Variants in ADAMTS17 observed in about 807,000 individuals in gnomAD.
ADAMTS17 encodes A disintegrin and metalloproteinase with thrombospondin motifs 17.
Under a neutral mutation model 141.5 loss-of-function variants are expected in ADAMTS17, and 113 were observed. The observed-to-expected ratio is 0.80, with a 90% confidence interval of 0.69 to 0.93. The LOEUF is 0.93. Among genes scored for constraint, ADAMTS17 ranks in the 40% least tolerant of loss-of-function variants. The probability of loss-of-function intolerance (pLI) is 0.00; values close to 1 mark genes in which losing one functional copy is unlikely to be tolerated. For synonymous variants in ADAMTS17, 768 were observed against 630.6 expected (o/e 1.22, Z -3.27); for missense variants, 1,659 against 1,517.9 (o/e 1.09, Z -1.54).
chr15:100,096,274 T>C, intron 15 of ADAMTS17, 82 bp downstream of exon 15: 2 of 1,599,666 alleles, frequency 1.3e-6, no homozygotes, highest in Non-Finnish European at 1.7e-6. Context: ...AAATATGAAA[T>C]GTAGGGAAGA....
chr15:100,147,209 A>C (rs2038949999), intron 10 of ADAMTS17, among the ~76,000 whole-genome samples: 1 of 152,066 alleles, frequency 6.6e-6, no homozygotes, highest in South Asian at 2.1e-4. Context: ...CAGCTTTAAA[A>C]ATTTCTCTCT....
intron 7 of ADAMTS17, among the ~76,000 whole-genome samples, chr15:100,240,294 T>G (rs1300744831): frequency 2.0e-5 from 3 of 152,162 alleles, no homozygotes; most frequent in African/African-American, 7.2e-5. Context: ...AGCAGCAATC[T>G]CTCTGCTGCT....
At chr15:100,158,606 C>G (rs1288475238) in intron 8 of ADAMTS17, among the ~76,000 whole-genome samples, 1 of 105,278 alleles carries the variant, frequency 9.5e-6, no homozygotes, top group African/African-American at 3.6e-5. Context: ...CTCCCTCCAG[C>G]CCCTGGCAAT....
chr15:100,176,359 T>G (rs2040339382), intron 8 of ADAMTS17, among the ~76,000 whole-genome samples: 1 of 151,902 alleles, frequency 6.6e-6, no homozygotes, highest in African/African-American at 2.4e-5. Flanking sequence ...CGTGTTGGAG[T>G]CGCCTAAGGA....
chr15:100,305,681 T>C (rs571589968), intron 3 of ADAMTS17, among the ~76,000 whole-genome samples: 1 of 152,264 alleles, frequency 6.6e-6, no homozygotes, highest in South Asian at 2.1e-4. Flanking sequence ...GGATATGTTA[T>C]CTTATCGTGA....
chr15:100,232,909 C>T (rs11853658), intron 7 of ADAMTS17, among the ~76,000 whole-genome samples: 12 of 152,150 alleles, frequency 7.9e-5, no homozygotes, highest in African/African-American at 1.2e-4. Flanking sequence ...AGAGGAGGGA[C>T]GCCGTGAATC....
chr15:100,201,572 C>T (rs377379090), intron 7 of ADAMTS17, among the ~76,000 whole-genome samples: 6 of 152,366 alleles, frequency 3.9e-5, no homozygotes, highest in East Asian at 1.9e-4. Context: ...GGCCTGGCTC[C>T]GCAGAGGTGC....
intron 15 of ADAMTS17, among the ~76,000 whole-genome samples, chr15:100,088,017 G>A (rs914122892): frequency 1.3e-5 from 2 of 152,094 alleles, no homozygotes; most frequent in Admixed American, 6.6e-5. Flanking sequence ...GGAAATAAAG[G>A]GTATTCAATT....
rs371156537 is a variant in ADAMTS17, at chr15:100,331,065, A to G, written c.451-11T>C. 4 of 1,614,176 alleles carry G rather than the reference A, an allele frequency of 2.5e-6. No homozygotes were observed. The highest frequency in any genetic ancestry group is 3.4e-6 in the Non-Finnish European group (4 of 1,180,018). On this transcript the variant is annotated splice_polypyrimidine_tract_variant and intron_variant, in intron 2 of 21. Transcript: ENST00000268070. The stretch of plus-strand genomic sequence containing the variant: ...CTGAATGAGGCCAACCTGTCCAGAA[A>G]GGAGAAGGAAACGCGATGTCGGTCA...
At chr15:100,263,664 G>T (rs758972929) in intron 4 of ADAMTS17, among the ~76,000 whole-genome samples, 2 of 152,228 alleles carry the variant, frequency 1.3e-5, no homozygotes, top group South Asian at 4.1e-4. Flanking sequence ...ATAACGCAGA[G>T]AAAACAGGAT....
Position 100,199,141 on chromosome 15 carries a change from C to A in ADAMTS17, c.1181+177G>T, listed in dbSNP as rs370751950. ...TTTCAACTCTCCAAGCCAATCGGTG[C>A]AGTCATCTCGTGGGGTCTCTGAGGG... On this transcript the variant is annotated intron_variant, in intron 8 of 21. Transcript: ENST00000268070. Among the ~76,000 whole-genome samples, 53 of 152,344 alleles carry A rather than the reference C, an allele frequency of 3.5e-4. 1 individual carries two copies. The highest frequency in any genetic ancestry group is 1.2e-3 in the African/African-American group (49 of 41,578).
At chr15:100,334,282 G>C (rs372128153) in intron 2 of ADAMTS17, among the ~76,000 whole-genome samples, 2 of 152,312 alleles carry the variant, frequency 1.3e-5, no homozygotes, top group East Asian at 3.9e-4. Flanking sequence ...AACAGAGAAC[G>C]TCTGTCCTGT....
At chr15:100,033,851 G>A (rs1049220587) in intron 18 of ADAMTS17, among the ~76,000 whole-genome samples, 1 of 152,144 alleles carries the variant, frequency 6.6e-6, no homozygotes, top group East Asian at 1.9e-4. Context: ...TGGTTTCTGT[G>A]GCCCAGCAAG....
At chr15:99,999,740 A>G (rs373594361) in intron 18 of ADAMTS17, among the ~76,000 whole-genome samples, 30 of 152,272 alleles carry the variant, frequency 2.0e-4, no homozygotes, top group African/African-American at 6.5e-4. Flanking sequence ...AAGCAGCGGC[A>G]GGGAGACCAG....
intron 2 of ADAMTS17, among the ~76,000 whole-genome samples, chr15:100,332,420 AT>A (rs1567547796): frequency 6.6e-6 from 1 of 152,208 alleles, no homozygotes; most frequent in Non-Finnish European, 1.5e-5. Context: ...AGTGCCTGGG[AT>A]GGAGCCCCGC....
intron 18 of ADAMTS17, among the ~76,000 whole-genome samples, chr15:100,047,881 G>A (rs781281853): frequency 2.6e-5 from 4 of 152,322 alleles, no homozygotes; most frequent in Non-Finnish European, 5.9e-5. Context: ...CCTGCAGTGA[G>A]CTCTTCCTCC....
At position 100,096,437 on chromosome 15, in the gene ADAMTS17, C is replaced by T; in HGVS notation, c.2056G>A (p.Glu686Lys). The T allele has an allele frequency of 1.2e-6, 2 of 1,614,166 alleles. No individual in the cohort carries two copies. Among genetic ancestry groups the T allele is most frequent in the Non-Finnish European group, 1.7e-6 (2 of 1,180,038 alleles). The change falls in exon 15 of 22, where the codon GAG (glutamate) becomes AAG (lysine). Residue 686 changes from glutamate (E) to lysine (K), a missense_variant. By Grantham distance (56) the Glu-to-Lys change is moderately conservative (BLOSUM62 1). Transcript: ENST00000268070. ...CCGCTGCAGACCCCGCATCTGTCCT[C>T]TTTGGCTGCAGACCCGATGATGCCG... ...CDGIIGSAAK[E>K]DRCGVCSGDG...
chr15:100,108,693 G>A (rs2036556496), intron 14 of ADAMTS17, among the ~76,000 whole-genome samples: 1 of 152,182 alleles, frequency 6.6e-6, no homozygotes, highest in Non-Finnish European at 1.5e-5. Context: ...GCGCATCTTA[G>A]TACCCTGCCT....
intron 15 of ADAMTS17, among the ~76,000 whole-genome samples, chr15:100,082,912 A>G (rs1323320709): frequency 6.6e-6 from 1 of 151,908 alleles, no homozygotes; most frequent in Non-Finnish European, 1.5e-5. Context: ...TGCTGGGTGC[A>G]GGGAGCTGTT....
Sources: gnomAD v4.1 joint callset for allele counts (sites outside exome capture counted in the v4.1 genomes callset) on GRCh38, gnomAD v4.1.1 for gene constraint, MANE v1.5 for transcripts, NCBI Gene and HGNC (gene_info 2026-07-23, HGNC 2026-07-21) for gene names.